The following LRRTM4 variants were observed in gnomAD, a reference collection of about 807,000 sequenced individuals.
The protein encoded by LRRTM4 is leucine rich repeat transmembrane neuronal 4.
LRRTM4 carries 25 observed loss-of-function variants against 47.6 expected under a neutral mutation model. The ratio of observed to expected loss-of-function variants is 0.53; its 90% CI spans 0.38 to 0.73. LRRTM4 has a LOEUF of 0.73. Ranked by LOEUF, LRRTM4 falls within the 30% of genes least tolerant of loss-of-function variation. The pLI, the probability that LRRTM4 is intolerant of heterozygous loss-of-function variation, is 0.00. For synonymous variants in LRRTM4, 311 were observed against 269.5 expected (o/e 1.15, Z -1.51); for missense variants, 638 against 713.4 (o/e 0.89, Z 1.20).
At chr2:76,758,382 T>TAC (rs1673139033) in intron 3 of LRRTM4, among the ~76,000 whole-genome samples, 1 of 152,146 alleles carries the variant, frequency 6.6e-6, no homozygotes, top group African/African-American at 2.4e-5. Context: ...GTTTAGAACC[T>TAC]ACAGACTGAC....
At chr2:76,993,188 T>C (rs956964997) in intron 3 of LRRTM4, among the ~76,000 whole-genome samples, 1 of 151,918 alleles carries the variant, frequency 6.6e-6, no homozygotes, top group African/African-American at 2.4e-5. Flanking sequence ...ACCTAGGAAC[T>C]ACCATTCAGG....
intron 3 of LRRTM4, among the ~76,000 whole-genome samples, chr2:77,138,204 T>C (rs1426702777): frequency 6.6e-6 from 1 of 152,128 alleles, no homozygotes; most frequent in Admixed American, 6.5e-5. Flanking sequence ...TATTCCAAAA[T>C]TGACCACATA....
At chr2:76,793,668 G>A (rs1675100705) in intron 3 of LRRTM4, among the ~76,000 whole-genome samples, 1 of 152,132 alleles carries the variant, frequency 6.6e-6, no homozygotes, top group African/African-American at 2.4e-5. Flanking sequence ...TATGGTAGAT[G>A]AAGAGTCAGT....
chr2:76,752,738 C>T (rs928848658), intron 3 of LRRTM4, among the ~76,000 whole-genome samples: 1 of 152,176 alleles, frequency 6.6e-6, no homozygotes, highest in African/African-American at 2.4e-5. Context: ...AGTACATTAA[C>T]CACCTGGGTC....
intron 3 of LRRTM4, among the ~76,000 whole-genome samples, chr2:76,884,976 G>A (rs892630164): frequency 2.0e-5 from 3 of 151,838 alleles, no homozygotes; most frequent in African/African-American, 7.3e-5. Flanking sequence ...CAATATGATG[G>A]TAAGCAGAAT....
chr2:77,076,300 T>C (rs1321830891), intron 3 of LRRTM4, among the ~76,000 whole-genome samples: 2 of 152,206 alleles, frequency 1.3e-5, no homozygotes, highest in Non-Finnish European at 2.9e-5. Context: ...TAGCAATACA[T>C]ATTTTTCACA....
At chr2:76,957,947 T>C (rs1675730379) in intron 3 of LRRTM4, among the ~76,000 whole-genome samples, 1 of 151,590 alleles carries the variant, frequency 6.6e-6, no homozygotes, top group East Asian at 1.9e-4. Context: ...TGTGTATATA[T>C]ATTTATATAT....
intron 3 of LRRTM4, among the ~76,000 whole-genome samples, chr2:77,491,582 A>G (rs2104047242): frequency 6.6e-6 from 1 of 152,100 alleles, no homozygotes; most frequent in African/African-American, 2.4e-5. Flanking sequence ...AGTTTAAAAG[A>G]AAAAAATTCT....
At chr2:77,062,556 T>C (rs1456870639) in intron 3 of LRRTM4, among the ~76,000 whole-genome samples, 2 of 152,186 alleles carry the variant, frequency 1.3e-5, no homozygotes, top group Non-Finnish European at 2.9e-5. Flanking sequence ...ATCTGGAAAA[T>C]GACCTCGTAC....
intron 3 of LRRTM4, among the ~76,000 whole-genome samples, chr2:77,100,987 C>T (rs1460684079): frequency 1.3e-5 from 2 of 151,920 alleles, no homozygotes; most frequent in Non-Finnish European, 2.9e-5. Context: ...AGGCACCCAC[C>T]ACCATGCCCA....
intron 3 of LRRTM4, among the ~76,000 whole-genome samples, chr2:77,440,252 A>G (rs1675785031): frequency 6.6e-6 from 1 of 152,136 alleles, no homozygotes; most frequent in African/African-American, 2.4e-5. Context: ...GTCTCTACTA[A>G]AAATACAAAA....
At chr2:77,103,375 A>G (rs901939285) in intron 3 of LRRTM4, among the ~76,000 whole-genome samples, 9 of 152,328 alleles carry the variant, frequency 5.9e-5, no homozygotes, top group Middle Eastern at 3.4e-3. Context: ...AAATTTTTCC[A>G]TCTCTTTTGT....
At chr2:76,904,810 C>A (rs980678739) in intron 3 of LRRTM4, among the ~76,000 whole-genome samples, 1 of 152,072 alleles carries the variant, frequency 6.6e-6, no homozygotes, top group African/African-American at 2.4e-5. Flanking sequence ...AGAATACCTA[C>A]CACAAGGTGT....
chr2:76,762,227 G>A (rs1673284467), intron 3 of LRRTM4, among the ~76,000 whole-genome samples: 1 of 152,126 alleles, frequency 6.6e-6, no homozygotes, highest in Non-Finnish European at 1.5e-5. Context: ...ATTTCAGAAT[G>A]AAGCTAAATT....
At chr2:76,890,660 TTC>T (rs1432396366) in intron 3 of LRRTM4, among the ~76,000 whole-genome samples, 4 of 152,150 alleles carry the variant, frequency 2.6e-5, no homozygotes, top group African/African-American at 9.6e-5. Context: ...ATACTCATGT[TTC>T]TCTAAAATAA....
intron 3 of LRRTM4, among the ~76,000 whole-genome samples, chr2:77,148,469 G>T (rs985729113): frequency 2.0e-5 from 3 of 151,936 alleles, no homozygotes. Flanking sequence ...AGTTGGCATT[G>T]CCCCAAACAC....
intron 3 of LRRTM4, among the ~76,000 whole-genome samples, chr2:76,839,373 T>G (rs1671608056): frequency 6.6e-6 from 1 of 152,164 alleles, no homozygotes; most frequent in Non-Finnish European, 1.5e-5. Flanking sequence ...AATTGTTTTA[T>G]AACTGAAAAT....
At chr2:77,221,423 G>C (rs1674628627) in intron 3 of LRRTM4, among the ~76,000 whole-genome samples, 1 of 152,164 alleles carries the variant, frequency 6.6e-6, no homozygotes, top group South Asian at 2.1e-4. Context: ...ATTGGATAAA[G>C]AGTCAAGACC....
intron 3 of LRRTM4, among the ~76,000 whole-genome samples, chr2:77,388,264 T>G (rs1003513646): frequency 6.6e-6 from 1 of 152,128 alleles, no homozygotes; most frequent in African/African-American, 2.4e-5. Context: ...TTAGATTAGA[T>G]ATAAATATCA....
Sources: gnomAD v4.1 joint callset for allele counts (sites outside exome capture counted in the v4.1 genomes callset) on GRCh38, gnomAD v4.1.1 for gene constraint, MANE v1.5 for transcripts, NCBI Gene and HGNC (gene_info 2026-07-23, HGNC 2026-07-21) for gene names.